Variants in LDLRAP1 observed in about 807,000 individuals in gnomAD.
LDLRAP1 encodes low density lipoprotein receptor adapter protein 1.
Under a neutral mutation model 37.8 loss-of-function variants are expected in LDLRAP1, and 30 were observed. The observed-to-expected ratio is 0.79, with a 90% confidence interval of 0.59 to 1.08. LDLRAP1 has a LOEUF of 1.08. LDLRAP1 is among the 50% of genes least tolerant of loss of function. LDLRAP1 has a pLI of 0.00. For synonymous variants in LDLRAP1, 156 were observed against 169.8 expected (o/e 0.92, Z 0.63); for missense variants, 375 against 401.6 (o/e 0.93, Z 0.57).
chr1:25,546,903 G>T lies in LDLRAP1; in HGVS notation c.88+3117G>T, dbSNP rs184964416. 1.8e-3 allele frequency among the ~76,000 whole-genome samples: 280 copies of T among 152,152 alleles called. 1 individual carries two copies. The highest frequency in any genetic ancestry group is 6.6e-3 in the African/African-American group (274 of 41,476). ...TGTGTGGCCCAAGACAATTCTTCCA[G>T]TGTGGCCCAGGGAAGCCAAAAGATT... On this transcript the variant is annotated intron_variant, in intron 1 of 8. Transcript: ENST00000374338.
At chr1:25,583,876 A>T in the LDLRAP1 span, among the ~76,000 whole-genome samples, 25 of 152,030 alleles carry the variant, frequency 1.6e-4, no homozygotes, top group African/African-American at 6.0e-4. Flanking sequence ...ATATAAATGG[A>T]TTCCTATGAC....
rs764313241 is a variant in LDLRAP1 at position 25,554,872 on chromosome 1, G to A, written c.244G>A (p.Gly82Arg). 7 of 1,613,910 alleles carry A rather than the reference G, an allele frequency of 4.3e-6. No individual in the cohort carries two copies. In the South Asian group the frequency reaches 6.6e-5, roughly 15 times the overall value. Reference sequence around the variant, plus strand: ...GTCTGCTCCCAAGGCTAAGGCCAGTGGGAAGAAGCTGCAGAAGGTGACTCT... The same window carrying A: ...GTCTGCTCCCAAGGCTAAGGCCAGTAGGAAGAAGCTGCAGAAGGTGACTCT... ...KRIVATAKAS[G>R]KKLQKVTLKV... Residue 82 changes from glycine (G) to arginine (R), a missense_variant, in exon 3 of 9, where the codon GGG (glycine) becomes AGG (arginine). Transcript: ENST00000374338. The surrounding 1 kb of genome is among the most constrained non-coding windows in gnomAD (Gnocchi z 5.4).
intron 1 of LDLRAP1, among the ~76,000 whole-genome samples, chr1:25,549,429 C>G (rs72873721): frequency 0.2 from 31,166 of 152,076 alleles, 7,622 homozygotes; most frequent in African/African-American, 0.59. Flanking sequence ...AGCAGCAGAA[C>G]GGGCACAAGG....
the LDLRAP1 span, among the ~76,000 whole-genome samples, chr1:25,581,066 C>G: frequency 6.6e-6 from 1 of 152,284 alleles, no homozygotes; most frequent in African/African-American, 2.4e-5. Context: ...CTAGATGTTA[C>G]TGCCATTGGC....
chr1:25,560,708 C>A (rs2044323354), intron 4 of LDLRAP1, among the ~76,000 whole-genome samples: 1 of 152,238 alleles, frequency 6.6e-6, no homozygotes, highest in Admixed American at 6.5e-5. Context: ...GTTTCTGGCC[C>A]CTTTTGAGCC....
rs563151154 is a variant in LDLRAP1 at position 25,543,768 on chromosome 1, G to C, written c.70G>C (p.Gly24Arg). The C allele has an allele frequency of 8.3e-6, 10 of 1,209,208 alleles. No individual in the cohort carries two copies. Among genetic ancestry groups the C allele is most frequent in the Middle Eastern group, 6.4e-4 (2 of 3,124 alleles). 74.9% of individuals were successfully genotyped at this position (1,209,208 alleles called of 1,614,324 possible). ...SPSLAKQSWG[G>R]GGRHRKLPEN... ...CAGCTTGGCCAAGCAGAGCTGGGGG[G>C]GCGGTGGCCGGCACCGCAGTGAGTG... is the stretch of plus-strand genomic sequence containing the variant. Residue 24 changes from glycine (G) to arginine (R), a missense_variant, in exon 1 of 9, where the codon GGC (glycine) becomes CGC (arginine). Transcript: ENST00000374338.
chr1:25,576,218 T>A, the LDLRAP1 span, among the ~76,000 whole-genome samples: 1 of 128,974 alleles, frequency 7.8e-6, no homozygotes, highest in East Asian at 2.3e-4. Flanking sequence ...GGCAACAGAG[T>A]GAGACTCCTC....
chr1:25,589,385 T>C, the LDLRAP1 span, among the ~76,000 whole-genome samples: 1 of 151,800 alleles, frequency 6.6e-6, no homozygotes, highest in East Asian at 1.9e-4. Context: ...TTGAGTGTGA[T>C]GGTTGACTTT....
chr1:25,586,848 C>T, the LDLRAP1 span, among the ~76,000 whole-genome samples: 1 of 152,116 alleles, frequency 6.6e-6, no homozygotes, highest in Admixed American at 6.5e-5. The surrounding 1 kb of genome is among the most constrained non-coding windows in gnomAD (Gnocchi z 4.3). Context: ...CTGAGCTGAA[C>T]CCTGACTCTA....
the LDLRAP1 span, among the ~76,000 whole-genome samples, chr1:25,582,714 T>C: frequency 6.6e-6 from 1 of 152,132 alleles, no homozygotes; most frequent in Non-Finnish European, 1.5e-5. Flanking sequence ...TAGACTTGAA[T>C]CCCCATCCTT....
chr1:25,568,309 T>A lies in LDLRAP1; in HGVS notation c.*1317T>A, dbSNP rs1053057164. ...GTCAGAATCATGCTGTTCTCTTTGC[T>A]GACACTGTGACCCTGGGTCGGGACA... On this transcript the variant is annotated 3_prime_UTR_variant, in exon 9 of 9. Coordinates refer to ENST00000374338, the MANE Select transcript of LDLRAP1 (RefSeq NM_015627.3). The A allele has an allele frequency of 1.3e-5, 2 of 152,538 alleles. No individual in the cohort carries two copies. Among genetic ancestry groups the A allele is most frequent in the Admixed American group, 1.3e-4 (2 of 15,292 alleles). The allele number at this position is 152,538 out of a possible 1,614,324, so 9.4% of individuals were successfully genotyped here.
intron 3 of LDLRAP1, among the ~76,000 whole-genome samples, chr1:25,556,548 AC>A (rs2044205012): frequency 6.6e-6 from 1 of 152,192 alleles, no homozygotes; most frequent in African/African-American, 2.4e-5. Flanking sequence ...ATCTCACCAG[AC>A]CTCTGGGCAG....
chr1:25,580,103 C>T, the LDLRAP1 span, among the ~76,000 whole-genome samples: 1 of 152,238 alleles, frequency 6.6e-6, no homozygotes. Context: ...AGTCAGGACA[C>T]AGGCAGGGTG....
At chr1:25,558,374 C>A (rs1448395809) in intron 4 of LDLRAP1, among the ~76,000 whole-genome samples, 1 of 152,204 alleles carries the variant, frequency 6.6e-6, no homozygotes, top group African/African-American at 2.4e-5. Flanking sequence ...TGCTGCCCAT[C>A]AGGACACACT....
At chr1:25,582,792 C>T in the LDLRAP1 span, among the ~76,000 whole-genome samples, 1 of 152,018 alleles carries the variant, frequency 6.6e-6, no homozygotes, top group Non-Finnish European at 1.5e-5. Flanking sequence ...ATACAATGAG[C>T]CGGGTACGGT....
chr1:25,563,962 T>C (rs1337396175), intron 7 of LDLRAP1, 171 bp downstream of exon 7: 1 of 797,894 alleles, frequency 1.3e-6, no homozygotes, highest in East Asian at 2.7e-5. Context: ...ATGTCCCTTT[T>C]GAACCTGAGG....
chr1:25,560,163 G>A (rs1414049165), intron 4 of LDLRAP1, among the ~76,000 whole-genome samples: 1 of 152,192 alleles, frequency 6.6e-6, no homozygotes, highest in Non-Finnish European at 1.5e-5. Context: ...CCTGGGGTGG[G>A]TGGTGAGGCA....
At chr1:25,559,327 G>C (rs1035114025) in intron 4 of LDLRAP1, among the ~76,000 whole-genome samples, 2 of 152,138 alleles carry the variant, frequency 1.3e-5, no homozygotes, top group Admixed American at 1.3e-4. Context: ...TGAGGGGTCT[G>C]GGAGTAAGAG....
intron 7 of LDLRAP1, 74 bp from the exon 8 acceptor site, chr1:25,565,099 G>A (rs529094300): frequency 1.5e-5 from 23 of 1,540,610 alleles, no homozygotes; most frequent in Admixed American, 5.0e-5. Flanking sequence ...CTTACCCAGG[G>A]CTGGGACAAG....
Sources: gnomAD v4.1 joint callset for allele counts (sites outside exome capture counted in the v4.1 genomes callset) on GRCh38, gnomAD v4.1.1 for gene constraint, Gnocchi (gnomAD v3.1) non-coding constraint, MANE v1.5 for transcripts, NCBI Gene and HGNC (gene_info 2026-07-23, HGNC 2026-07-21) for gene names.